The following ADCY7 variants were observed in gnomAD, a reference collection of about 807,000 sequenced individuals.
The protein encoded by ADCY7 is adenylate cyclase type 7.
In ADCY7, 72 loss-of-function variants were observed where a neutral mutation model predicts 120.6. The observed-to-expected ratio is 0.60, with a 90% CI of 0.49 to 0.73. The LOEUF is 0.73. ADCY7 is among the 30% of genes least tolerant of loss of function. The probability of loss-of-function intolerance (pLI) is 0.00; values close to 1 mark genes in which losing one functional copy is unlikely to be tolerated. For synonymous variants in ADCY7, 661 were observed against 628.0 expected (o/e 1.05, Z -0.78); for missense variants, 1,227 against 1,486.0 (o/e 0.83, Z 2.87).
chr16:50,275,038 G>T (rs572831825), intron 1 of ADCY7, among the ~76,000 whole-genome samples: 1 of 152,220 alleles, frequency 6.6e-6, no homozygotes, highest in Non-Finnish European at 1.5e-5. Flanking sequence ...CAGGAAATTC[G>T]ACAGGAGCCC....
chr16:50,258,670 T>C (rs980660798), intron 1 of ADCY7, among the ~76,000 whole-genome samples: 3 of 151,640 alleles, frequency 2.0e-5, no homozygotes, highest in Admixed American at 6.6e-5. Flanking sequence ...TATAGCTCAC[T>C]GCAGCCTTGA....
intron 1 of ADCY7, among the ~76,000 whole-genome samples, chr16:50,274,887 C>T (rs537214112): frequency 3.9e-5 from 6 of 152,218 alleles, no homozygotes; most frequent in South Asian, 2.1e-4. Flanking sequence ...AAGAATTGCC[C>T]GAGTCACACA....
intron 12 of ADCY7, 40 bp downstream of exon 12, chr16:50,304,999 A>C: frequency 3.1e-6 from 5 of 1,611,292 alleles, no homozygotes; most frequent in Non-Finnish European, 3.4e-6. Flanking sequence ...TGCTGCAGCC[A>C]CCTCCTCCAA....
chr16:50,298,833 G>C, intron 7 of ADCY7, 71 bp from the exon 8 acceptor site: 1 of 1,555,250 alleles, frequency 6.4e-7, no homozygotes, highest in Non-Finnish European at 8.7e-7. Context: ...TGGAGGGTGG[G>C]GGGAGGCGGC....
upstream of ADCY7, among the ~76,000 whole-genome samples, chr16:50,261,888 G>A (rs2033067554): frequency 6.6e-6 from 1 of 152,154 alleles, no homozygotes; most frequent in Admixed American, 6.5e-5. Context: ...GTGAACCCCC[G>A]ACCTTAGGGG....
chr16:50,309,207 C>G, intron 17 of ADCY7: 1 of 345,228 alleles, frequency 2.9e-6, no homozygotes, highest in Admixed American at 4.5e-5. Flanking sequence ...AGGGCCTCTC[C>G]CTCACCTCTC....
chr16:50,289,381 T>C, intron 2 of ADCY7: 1 of 423,172 alleles, frequency 2.4e-6, no homozygotes, highest in South Asian at 1.7e-5. Context: ...ACCACCTATG[T>C]CATTTCCGGC....
chr16:50,288,378 C>T (rs925748743), intron 2 of ADCY7, 28 bp downstream of exon 2: 15 of 1,513,062 alleles, frequency 9.9e-6, no homozygotes, highest in Middle Eastern at 1.7e-4. Flanking sequence ...CTGGGCTTCA[C>T]GTCTCGGCCC....
rs373326096 is a variant in ADCY7, at chr16:50,291,805, G to A, written c.445G>A (p.Ala149Thr). 4 of 1,613,916 alleles carry A rather than the reference G, an allele frequency of 2.5e-6. No homozygotes were observed. The highest frequency in any genetic ancestry group is 1.3e-5 in the African/African-American group (1 of 74,906). Residue 149 changes from alanine to threonine, a missense_variant, in exon 4 of 26, where the codon GCC becomes ACC. Physicochemically the swap from Ala to Thr is moderately conservative, Grantham distance 58 (BLOSUM62 0). Transcript: ENST00000673801. ...LLPFSMRGAV[A>T]VGAVSTASHL... The stretch of plus-strand genomic sequence containing the variant: ...GCCCTTCAGCATGCGGGGCGCTGTC[G>A]CCGTTGGGGCCGTCTCCACTGCCTC...
At chr16:50,249,001 A>G (rs2032673329) in intron 1 of ADCY7, among the ~76,000 whole-genome samples, 1 of 152,170 alleles carries the variant, frequency 6.6e-6, no homozygotes, top group Non-Finnish European at 1.5e-5. Flanking sequence ...CTCTTCCCAG[A>G]TACTGCAGAC....
chr16:50,311,868 G>A (rs1307007091), intron 20 of ADCY7, 82 bp downstream of exon 20: 11 of 1,445,810 alleles, frequency 7.6e-6, no homozygotes, highest in African/African-American at 1.4e-5. Flanking sequence ...GGGGTGGGGT[G>A]GGCTCAGGTG....
At chr16:50,286,781 C>T (rs549330929) in intron 1 of ADCY7, among the ~76,000 whole-genome samples, 16 of 152,238 alleles carry the variant, frequency 1.1e-4, no homozygotes, top group South Asian at 6.2e-4. Flanking sequence ...AGAGGATGGC[C>T]GGTTCACTGA....
At chr16:50,303,638 G>T (rs917960114) in intron 10 of ADCY7, among the ~76,000 whole-genome samples, 2 of 152,182 alleles carry the variant, frequency 1.3e-5, no homozygotes, top group Non-Finnish European at 2.9e-5. Flanking sequence ...TGGCATGAGT[G>T]GGGGCGGGTA....
rs762701608 is a variant in ADCY7 at position 50,307,017 on chromosome 16, G to A, written c.1753-33G>A. On this transcript the variant is annotated intron_variant, in intron 14 of 25. Transcript: ENST00000673801. ...GCAGGGTGGGCAAGTGGCACTGCTG[G>A]TGGCCACCCCTCACAGTCCCTGCTG... 5.0e-5 allele frequency: 78 copies of A among 1,572,786 alleles called. 1 individual carries two copies. In the South Asian group the frequency reaches 8.2e-4, roughly 17 times the overall value.
At chr16:50,294,467 C>G (rs573158814) in intron 6 of ADCY7, among the ~76,000 whole-genome samples, 173 bp from the exon 7 acceptor site, 1 of 152,308 alleles carries the variant, frequency 6.6e-6, no homozygotes, top group Admixed American at 6.5e-5. Context: ...GAACTTTAAT[C>G]TGTCTCTATG....
intron 1 of ADCY7, among the ~76,000 whole-genome samples, chr16:50,283,171 T>G (rs1004296139): frequency 1.3e-5 from 2 of 152,214 alleles, no homozygotes; most frequent in African/African-American, 4.8e-5. Flanking sequence ...AAGCCTGATG[T>G]GGACTTTGAG....
chr16:50,256,756 G>A (rs2032928286), intron 1 of ADCY7, among the ~76,000 whole-genome samples: 1 of 152,110 alleles, frequency 6.6e-6, no homozygotes, highest in Non-Finnish European at 1.5e-5. Context: ...GAGCACTGTT[G>A]GTGGGAATGC....
At chr16:50,276,632 G>A (rs978864906) in intron 1 of ADCY7, among the ~76,000 whole-genome samples, 1 of 152,190 alleles carries the variant, frequency 6.6e-6, no homozygotes, top group African/African-American at 2.4e-5. Context: ...GTCTTGCTCT[G>A]TTTCTCAGGC....
intron 23 of ADCY7, 54 bp downstream of exon 23, chr16:50,314,116 C>A: frequency 5.9e-6 from 9 of 1,515,936 alleles, no homozygotes; most frequent in Middle Eastern, 1.7e-4. Flanking sequence ...TAAAGGTGAC[C>A]TGTCACCTTA....
Sources: gnomAD v4.1 joint callset for allele counts (sites outside exome capture counted in the v4.1 genomes callset) on GRCh38, gnomAD v4.1.1 for gene constraint, MANE v1.5 for transcripts, NCBI Gene and HGNC (gene_info 2026-07-23, HGNC 2026-07-21) for gene names.